Variants in SORCS1 observed in about 807,000 individuals in gnomAD.
SORCS1 encodes the protein VPS10 domain-containing receptor SorCS1.
In SORCS1, 60 loss-of-function variants were observed where a neutral mutation model predicts 146.1. That is an observed-to-expected ratio of 0.41 (90% CI 0.33 to 0.51). The LOEUF (loss-of-function observed/expected upper bound fraction) is 0.51. Among genes scored for constraint, SORCS1 ranks in the 20% least tolerant of loss-of-function variants. The pLI, the probability that SORCS1 is intolerant of heterozygous loss-of-function variation, is 0.21. For synonymous variants in SORCS1, 637 were observed against 584.0 expected (o/e 1.09, Z -1.31); for missense variants, 1,352 against 1,487.6 (o/e 0.91, Z 1.50).
intron 2 of SORCS1, among the ~76,000 whole-genome samples, chr10:106,955,441 G>C (rs946119464): frequency 6.6e-6 from 1 of 152,244 alleles, no homozygotes; most frequent in African/African-American, 2.4e-5. Context: ...TATGAGCTGA[G>C]TGCAGCCTGA....
intron 24 of SORCS1, among the ~76,000 whole-genome samples, chr10:106,586,280 A>G (rs191080898): frequency 1.2e-3 from 178 of 152,364 alleles, no homozygotes; most frequent in East Asian, 3.9e-4. Flanking sequence ...GCTTACGCTG[A>G]TATAGCATAG....
intron 6 of SORCS1, among the ~76,000 whole-genome samples, chr10:106,721,127 T>C (rs1185447671): frequency 6.6e-6 from 1 of 151,830 alleles, no homozygotes; most frequent in Admixed American, 6.6e-5. Flanking sequence ...TAAACCTTGA[T>C]GCTTTATTTG....
chr10:106,959,277 A>G (rs936875613), intron 1 of SORCS1, among the ~76,000 whole-genome samples: 15 of 152,222 alleles, frequency 9.9e-5, no homozygotes, highest in Non-Finnish European at 4.4e-5. Flanking sequence ...AGAGTCCTTT[A>G]TGACATTTGA....
chr10:106,588,860 C>CAAAAAA (rs778852501), intron 24 of SORCS1, among the ~76,000 whole-genome samples: 21 of 35,112 alleles, frequency 6.0e-4, no homozygotes, highest in South Asian at 1.3e-3. Flanking sequence ...GACTCCATCT[C>CAAAAAA]AAAAAAAAAA....
intron 23 of SORCS1, chr10:106,600,372 T>G (rs1004446962): frequency 1.0e-6 from 1 of 977,120 alleles, no homozygotes; most frequent in Non-Finnish European, 1.2e-6. Flanking sequence ...TCAAAGGACA[T>G]TCAACAATGA....
chr10:107,156,361 C>G (rs1161432234), intron 1 of SORCS1, among the ~76,000 whole-genome samples: 1 of 152,168 alleles, frequency 6.6e-6, no homozygotes, highest in Non-Finnish European at 1.5e-5. Context: ...ACTTCTACAG[C>G]TTTAGAATGA....
At chr10:106,947,805 G>A (rs1954430399) in intron 2 of SORCS1, among the ~76,000 whole-genome samples, 1 of 151,296 alleles carries the variant, frequency 6.6e-6, no homozygotes, top group African/African-American at 2.4e-5. Flanking sequence ...CCGAGAACAT[G>A]CCATCACTCT....
At chr10:106,818,534 T>C (rs1405612315) in intron 3 of SORCS1, among the ~76,000 whole-genome samples, 1 of 151,924 alleles carries the variant, frequency 6.6e-6, no homozygotes, top group African/African-American at 2.4e-5. Flanking sequence ...CCCAGCAAAT[T>C]TTTGTATTTT....
chr10:106,616,574 C>T (rs565942408), intron 21 of SORCS1, among the ~76,000 whole-genome samples: 7 of 152,306 alleles, frequency 4.6e-5, no homozygotes, highest in African/African-American at 1.4e-4. Context: ...GCACTCTATA[C>T]ACAGCCACTG....
chr10:106,660,884 G>A (rs770245051), intron 17 of SORCS1, among the ~76,000 whole-genome samples: 2 of 152,036 alleles, frequency 1.3e-5, no homozygotes, highest in African/African-American at 4.8e-5. Flanking sequence ...ATTTCTAAAC[G>A]TACTTTATAA....
At chr10:106,776,828 A>T (rs1860471746) in intron 3 of SORCS1, 136 bp from the exon 4 acceptor site, 4 of 802,154 alleles carry the variant, frequency 5.0e-6, no homozygotes, top group South Asian at 3.7e-5. Flanking sequence ...AGGGACCTTG[A>T]CTCTGTCAGG....
At chr10:106,600,344 T>C (rs888670628) in intron 23 of SORCS1, 1 of 973,966 alleles carries the variant, frequency 1.0e-6, no homozygotes, top group Non-Finnish European at 1.2e-6. Flanking sequence ...AAAGTACGTT[T>C]CATATATTTA....
chr10:106,623,182 A>C (rs1043710814), intron 19 of SORCS1, among the ~76,000 whole-genome samples: 2 of 152,022 alleles, frequency 1.3e-5, no homozygotes, highest in Non-Finnish European at 2.9e-5. Flanking sequence ...ATGACTAGAT[A>C]AACTATGCTA....
At chr10:106,698,739 A>T (rs1389275362) in intron 9 of SORCS1, among the ~76,000 whole-genome samples, 1 of 152,232 alleles carries the variant, frequency 6.6e-6, no homozygotes, top group Non-Finnish European at 1.5e-5. Context: ...GAAAAAGGCC[A>T]TTAGCCAAGG....
rs1365528009 is a variant in SORCS1, at chr10:107,134,367, G to A, written c.558+29602C>T. Among the ~76,000 whole-genome samples, 16 of 152,288 alleles carry A rather than the reference G, an allele frequency of 1.1e-4. No individual in the cohort carries two copies. The East Asian group carries it at 1.4e-3, about 13-fold the overall frequency. ...GATTTACATTCCATCGGCCAGGCGC[G>A]GTGGCTCAAGCCTGTAATCCCAGAA... On this transcript the variant is annotated intron_variant, in intron 1 of 25. Transcript: ENST00000263054.
chr10:107,081,134 A>C (rs1963302236), intron 1 of SORCS1, among the ~76,000 whole-genome samples: 1 of 152,178 alleles, frequency 6.6e-6, no homozygotes, highest in Non-Finnish European at 1.5e-5. Context: ...CTGTATCTCT[A>C]AACACTCTGC....
In SORCS1 at chr10:106,677,357, G is replaced by T. The variant is rs768105361; in HGVS notation, c.1788C>A (p.Val596=). The change falls in exon 13 of 26, where the codon GTC becomes GTA. Residue 596 remains valine, a synonymous_variant. Coordinates refer to ENST00000263054, the MANE Select transcript of SORCS1 (RefSeq NM_052918.5). ...HSVLYLDQGG[V]LVAMKHTSLP... ...GAGATGTGTGTTTCATAGCAACCAG[G>T]ACTCCACCTTGATCCAGGTACAAAA... 6.2e-7 allele frequency: 1 copy of T among 1,613,978 alleles called. No homozygotes were observed. Among genetic ancestry groups the T allele is most frequent in the African/African-American group, 1.3e-5 (1 of 75,034 alleles).
chr10:106,708,251 TG>T (rs1413741738), intron 7 of SORCS1, among the ~76,000 whole-genome samples: 3 of 151,618 alleles, frequency 2.0e-5, no homozygotes, highest in African/African-American at 7.3e-5. Context: ...AAATGGTGTG[TG>T]TGTGTGTGTG....
chr10:107,031,766 C>T (rs74154832), intron 1 of SORCS1, among the ~76,000 whole-genome samples: 1 of 152,074 alleles, frequency 6.6e-6, no homozygotes, highest in African/African-American at 2.4e-5. Context: ...AGCCACCATG[C>T]CTGGCCAAAA....
Sources: gnomAD v4.1 joint callset for allele counts (sites outside exome capture counted in the v4.1 genomes callset) on GRCh38, gnomAD v4.1.1 for gene constraint, MANE v1.5 for transcripts, NCBI Gene and HGNC (gene_info 2026-07-23, HGNC 2026-07-21) for gene names.